Variants in CSMD1 observed in about 807,000 individuals in gnomAD.
CSMD1 encodes CUB and sushi domain-containing protein 1.
Under a neutral mutation model 417.5 loss-of-function variants are expected in CSMD1, and 213 were observed. The ratio of observed to expected loss-of-function variants is 0.51; its 90% CI spans 0.46 to 0.57. CSMD1 has a LOEUF of 0.57. Among genes scored for constraint, CSMD1 ranks in the 20% least tolerant of loss-of-function variants. The pLI is 0.00. For missense variants in CSMD1, 6,923 were observed against 4,529.7 expected (o/e 1.53, Z -15.17); for synonymous variants, 2,862 against 1,736.8 (o/e 1.65, Z -16.11).
At chr8:3,729,621 G>C (rs1012001127) in intron 6 of CSMD1, among the ~76,000 whole-genome samples, 1 of 152,040 alleles carries the variant, frequency 6.6e-6, no homozygotes, top group Admixed American at 6.6e-5. Flanking sequence ...TCTTAGTGTG[G>C]AAAGACGGTG....
chr8:3,925,921 G>C (rs966086443), intron 5 of CSMD1, among the ~76,000 whole-genome samples: 1 of 151,656 alleles, frequency 6.6e-6, no homozygotes, highest in African/African-American at 2.4e-5. Context: ...ACAAAATGTA[G>C]AAGGTACAGC....
Position 4,118,650 on chromosome 8 carries a change from T to C in CSMD1, c.416-86551A>G, listed in dbSNP as rs570930356. On this transcript the variant is annotated intron_variant, in intron 3 of 69. Transcript: ENST00000635120. ...ACATTTTACACTGTTGATGGGTGTG[T>C]AAATTAGTTCAACCATTGTGGAAGA... Among the ~76,000 whole-genome samples the C allele has an allele frequency of 6.0e-4, 91 of 152,304 alleles. 1 individual carries two copies. The highest frequency in any genetic ancestry group is 2.1e-3 in the African/African-American group (88 of 41,566).
At chr8:4,088,383 A>T (rs1035843429) in intron 3 of CSMD1, among the ~76,000 whole-genome samples, 2 of 152,204 alleles carry the variant, frequency 1.3e-5, no homozygotes, top group Non-Finnish European at 2.9e-5. Context: ...TGCGGGAAAG[A>T]GCTTTGTCGG....
At chr8:4,617,994 G>C (rs575169459) in intron 2 of CSMD1, among the ~76,000 whole-genome samples, 5 of 152,060 alleles carry the variant, frequency 3.3e-5, no homozygotes, top group African/African-American at 9.7e-5. Flanking sequence ...CTGCCTATTT[G>C]GATAAGATTT....
At chr8:4,194,917 G>C (rs891386347) in intron 3 of CSMD1, among the ~76,000 whole-genome samples, 1 of 151,870 alleles carries the variant, frequency 6.6e-6, no homozygotes, top group East Asian at 1.9e-4. Flanking sequence ...TTTAATGGGA[G>C]ATCACAGTAG....
At chr8:3,170,687 G>A (rs1270233017) in intron 37 of CSMD1, among the ~76,000 whole-genome samples, 1 of 152,190 alleles carries the variant, frequency 6.6e-6, no homozygotes, top group Non-Finnish European at 1.5e-5. Flanking sequence ...ATGCACAACT[G>A]TAGGAAATAC....
intron 50 of CSMD1, among the ~76,000 whole-genome samples, chr8:3,034,305 T>G (rs1458611833): frequency 2.6e-5 from 4 of 152,194 alleles, no homozygotes; most frequent in African/African-American, 9.7e-5. Context: ...GTTTTCTATA[T>G]ATTACTAATG....
At chr8:4,146,594 ATTTTTTTTTTTTTTTTTTTT>A (rs71205423) in intron 3 of CSMD1, among the ~76,000 whole-genome samples, 1 of 64,244 alleles carries the variant, frequency 1.6e-5, no homozygotes, top group Non-Finnish European at 2.6e-5. Context: ...ATATGGACAC[ATTTTTTTTTTTTTTTTTTTT>A]TTTTTTTTTT....
At chr8:4,509,695 G>C (rs1320339511) in intron 2 of CSMD1, among the ~76,000 whole-genome samples, 2 of 151,036 alleles carry the variant, frequency 1.3e-5, no homozygotes, top group African/African-American at 4.8e-5. Flanking sequence ...GCTGATAATA[G>C]ACACTTTTGA....
At chr8:4,477,862 T>C (rs1211669228) in intron 2 of CSMD1, among the ~76,000 whole-genome samples, 1 of 152,222 alleles carries the variant, frequency 6.6e-6, no homozygotes, top group African/African-American at 2.4e-5. Context: ...GGACATAAAT[T>C]CTGAAAATCT....
chr8:3,771,178 T>C (rs1021002794), intron 5 of CSMD1, among the ~76,000 whole-genome samples: 1 of 151,870 alleles, frequency 6.6e-6, no homozygotes, highest in African/African-American at 2.4e-5. Flanking sequence ...TGGTGCACTT[T>C]GGGGAAAAAC....
chr8:4,084,090 A>G (rs1239678651), intron 3 of CSMD1, among the ~76,000 whole-genome samples: 4 of 152,192 alleles, frequency 2.6e-5, no homozygotes, highest in Non-Finnish European at 5.9e-5. Context: ...GGCTAGTAAT[A>G]TTTGTCTTCG....
chr8:3,680,303 GAAGAA>G lies in CSMD1; in HGVS notation c.1009+28106_1009+28110del, dbSNP rs755380480. Among the ~76,000 whole-genome samples, 20 of 152,162 alleles carry G rather than the reference GAAGAA, an allele frequency of 1.3e-4. No individual in the cohort carries two copies. In the South Asian group the frequency reaches 1.4e-3, roughly 11 times the overall value. ...ATAGACCACTAGCAAGACTAATAAA[GAAGAA>G]AAGAGAGAAGAATCAAATAGACGCA... On this transcript the variant is annotated intron_variant, in intron 7 of 69. Coordinates refer to ENST00000635120, the MANE Select transcript of CSMD1 (RefSeq NM_033225.6).
intron 65 of CSMD1, among the ~76,000 whole-genome samples, chr8:2,953,391 T>C (rs1485921308): frequency 6.6e-6 from 1 of 150,702 alleles, no homozygotes; most frequent in Non-Finnish European, 1.5e-5. Flanking sequence ...TGTCACACAG[T>C]ATCCTGACAA....
rs144128963 is a variant in CSMD1, at chr8:4,896,810, G to C, written c.85+97522C>G. Among the ~76,000 whole-genome samples the C allele has an allele frequency of 2.8e-3, 429 of 152,126 alleles. 5 individuals are homozygous for C. Among genetic ancestry groups the C allele is most frequent in the African/African-American group, 9.6e-3 (398 of 41,418 alleles). ...CTCCAGCGGGGTAGGGCGGGGGGAA[G>C]TGCAGGGCTATCCAGTGAGAGCCGG... On this transcript the variant is annotated intron_variant, in intron 1 of 69. Transcript: ENST00000635120.
chr8:4,554,882 G>A (rs1420028897), intron 2 of CSMD1, among the ~76,000 whole-genome samples: 3 of 152,264 alleles, frequency 2.0e-5, no homozygotes, highest in African/African-American at 7.2e-5. Context: ...CCAGGCCCAG[G>A]TGGTGATGAT....
At chr8:4,724,237 G>T (rs915711675) in intron 1 of CSMD1, among the ~76,000 whole-genome samples, 1 of 152,014 alleles carries the variant, frequency 6.6e-6, no homozygotes, top group South Asian at 2.1e-4. Flanking sequence ...GCAGTTTTAA[G>T]AACAGTATTA....
At chr8:3,829,378 C>T (rs1271025222) in intron 5 of CSMD1, among the ~76,000 whole-genome samples, 1 of 152,156 alleles carries the variant, frequency 6.6e-6, no homozygotes, top group African/African-American at 2.4e-5. Context: ...TATACCCCTT[C>T]AGAGAAGTTT....
At chr8:4,559,379 AT>A (rs201750055) in intron 2 of CSMD1, among the ~76,000 whole-genome samples, 1 of 152,158 alleles carries the variant, frequency 6.6e-6, no homozygotes, top group Admixed American at 6.5e-5. Flanking sequence ...ATTAAAAAAA[AT>A]CTTCATATAC....
Sources: gnomAD v4.1 joint callset for allele counts (sites outside exome capture counted in the v4.1 genomes callset) on GRCh38, gnomAD v4.1.1 for gene constraint, MANE v1.5 for transcripts, NCBI Gene and HGNC (gene_info 2026-07-23, HGNC 2026-07-21) for gene names.